The following EVC2 variants were observed in gnomAD, a reference collection of about 807,000 sequenced individuals.
The protein encoded by EVC2 is limbin.
Under a neutral mutation model 149.3 loss-of-function variants are expected in EVC2, and 148 were observed. The ratio of observed to expected loss-of-function variants is 0.99; its 90% CI spans 0.87 to 1.14. The LOEUF (loss-of-function observed/expected upper bound fraction) is 1.14. Among genes scored for constraint, EVC2 ranks in the 50% most tolerant of loss-of-function variants. EVC2 has a pLI of 0.00. For missense variants in EVC2, 1,854 were observed against 1,627.3 expected, an observed-to-expected ratio of 1.14 and a Z score of -2.40; for synonymous variants, 776 against 649.9, an observed-to-expected ratio of 1.19 and a Z score of -2.95.
chr4:5,542,976 A>T, intron 22 of EVC2: 1 of 409,362 alleles, frequency 2.4e-6, no homozygotes, highest in South Asian at 2.0e-5. Context: ...AAGTCCTCCC[A>T]CACTTCTCCC....
At chr4:5,699,490 C>A (rs1721689458) in intron 1 of EVC2, among the ~76,000 whole-genome samples, 1 of 152,110 alleles carries the variant, frequency 6.6e-6, no homozygotes, top group Non-Finnish European at 1.5e-5. Flanking sequence ...ATTTGCACAT[C>A]TGTGTTCACA....
At chr4:5,563,435 C>T (rs1167293595) in intron 21 of EVC2, among the ~76,000 whole-genome samples, 1 of 152,194 alleles carries the variant, frequency 6.6e-6, no homozygotes, top group African/African-American at 2.4e-5. Context: ...CAACCTCCAC[C>T]TCCCAGGTTC....
chr4:5,699,490 C>T (rs1721689458), intron 1 of EVC2, among the ~76,000 whole-genome samples: 2 of 152,110 alleles, frequency 1.3e-5, no homozygotes, highest in Non-Finnish European at 1.5e-5. Context: ...ATTTGCACAT[C>T]TGTGTTCACA....
intron 9 of EVC2, among the ~76,000 whole-genome samples, chr4:5,650,286 G>C (rs1164618619): frequency 6.6e-6 from 1 of 152,118 alleles, no homozygotes; most frequent in East Asian, 1.9e-4. Context: ...AAAAGGGGAA[G>C]TAGGACTACC....
rs1268611805 is a variant in EVC2, at chr4:5,576,063, C to T, written c.3272+177G>A. Among the ~76,000 whole-genome samples the T allele has an allele frequency of 6.6e-6, 1 of 152,114 alleles. No homozygotes were observed. Among genetic ancestry groups the T allele is most frequent in the Non-Finnish European group, 1.5e-5 (1 of 68,018 alleles). ...TGATATTAAATTTAAAAAAGAAGGGCATCAGGGAAGAAAGAGTATGCTACA... is the reference window on the plus strand; with the variant it reads ...TGATATTAAATTTAAAAAAGAAGGGTATCAGGGAAGAAAGAGTATGCTACA... On this transcript the variant is annotated intron_variant, in intron 18 of 21. Coordinates refer to ENST00000344408, the MANE Select transcript of EVC2 (RefSeq NM_147127.5). This position sits in a 1 kb window ranked among gnomAD's most constrained non-coding sequence, Gnocchi z 4.5.
intron 16 of EVC2, among the ~76,000 whole-genome samples, chr4:5,595,990 A>T (rs1713373437): frequency 6.6e-6 from 1 of 152,250 alleles, no homozygotes. Flanking sequence ...ACATAATGGT[A>T]AAGGGATCAA....
At chr4:5,683,093 G>C (rs1033212901) in intron 6 of EVC2, among the ~76,000 whole-genome samples, 1 of 152,202 alleles carries the variant, frequency 6.6e-6, no homozygotes, top group Non-Finnish European at 1.5e-5. Context: ...ACCTCATGGA[G>C]GCTTCAGCGA....
At chr4:5,592,995 T>C (rs1393299943) in intron 16 of EVC2, among the ~76,000 whole-genome samples, 1 of 152,032 alleles carries the variant, frequency 6.6e-6, no homozygotes, top group Non-Finnish European at 1.5e-5. Context: ...TGAGTTCTCA[T>C]GAGATCTGAT....
intron 6 of EVC2, among the ~76,000 whole-genome samples, chr4:5,681,841 G>A (rs770253930): frequency 9.2e-5 from 14 of 152,242 alleles, no homozygotes; most frequent in Non-Finnish European, 1.5e-4. Context: ...CTGTCTAACC[G>A]CATGGTGACC....
At chr4:5,635,199 G>A (rs1314118743) in intron 10 of EVC2, among the ~76,000 whole-genome samples, 2 of 151,916 alleles carry the variant, frequency 1.3e-5, no homozygotes, top group African/African-American at 4.8e-5. Flanking sequence ...ACCATGCCCA[G>A]CTAATTTTTG....
chr4:5,606,334 A>C (rs952032460), intron 16 of EVC2, among the ~76,000 whole-genome samples: 1 of 152,314 alleles, frequency 6.6e-6, no homozygotes. Flanking sequence ...AAGAATCTTC[A>C]TACATACTTT....
At chr4:5,644,186 C>G (rs955400796) in intron 9 of EVC2, among the ~76,000 whole-genome samples, 1 of 152,190 alleles carries the variant, frequency 6.6e-6, no homozygotes, top group Non-Finnish European at 1.5e-5. Context: ...CTCTCTCTAT[C>G]CTCTGTATTT....
intron 9 of EVC2, among the ~76,000 whole-genome samples, chr4:5,661,459 G>A (rs534961028): frequency 1.3e-3 from 199 of 152,268 alleles, no homozygotes; most frequent in African/African-American, 4.4e-3. Context: ...ACAGAGATAT[G>A]AGACAAGAAA....
intron 7 of EVC2, among the ~76,000 whole-genome samples, chr4:5,673,474 G>T (rs1158045837): frequency 6.6e-6 from 1 of 152,188 alleles, no homozygotes; most frequent in South Asian, 2.1e-4. Flanking sequence ...AAGTTCCACT[G>T]AGAATCACTG....
In EVC2 at chr4:5,666,116, T is replaced by C. The variant is rs148760502; in HGVS notation, c.871-467A>G. Among the ~76,000 whole-genome samples the C allele has an allele frequency of 9.9e-5, 15 of 152,198 alleles. No homozygotes were observed. In the East Asian group the frequency reaches 2.5e-3, roughly 26 times the overall value. ...TAATTAAACCCCAATTTTTACGGTA[T>C]TATATTTAGAGAAAATCTCTTGTCT... On this transcript the variant is annotated intron_variant, in intron 7 of 21. Transcript: ENST00000344408.
intron 16 of EVC2, among the ~76,000 whole-genome samples, chr4:5,592,977 C>T (rs1350498602): frequency 1.3e-5 from 2 of 152,160 alleles, no homozygotes; most frequent in Admixed American, 6.5e-5. Flanking sequence ...ATGCTGTTCT[C>T]CTGAGAGTGA....
At chr4:5,584,933 C>A in intron 16 of EVC2, 83 bp from the exon 17 acceptor site, 2 of 1,464,162 alleles carry the variant, frequency 1.4e-6, no homozygotes, top group Non-Finnish European at 1.9e-6. Context: ...TTTCAGAGTT[C>A]ACAGACCTGG....
intron 8 of EVC2, 58 bp downstream of exon 8, chr4:5,665,457 G>A (rs902672171): frequency 3.7e-6 from 6 of 1,612,248 alleles, no homozygotes; most frequent in Non-Finnish European, 5.1e-6. Flanking sequence ...ACAGAACTGG[G>A]GGATGAACTT....
At chr4:5,541,118 C>T (rs995625925), downstream of EVC2, among the ~76,000 whole-genome samples, 2 of 152,208 alleles carry the variant, frequency 1.3e-5, no homozygotes, top group Non-Finnish European at 2.9e-5. Context: ...TAACATTGCT[C>T]TGTAAGAATA....
Sources: allele counts gnomAD v4.1 joint callset (sites outside exome capture counted in the v4.1 genomes callset), GRCh38; gene constraint gnomAD v4.1.1; non-coding constraint Gnocchi (gnomAD v3.1); transcripts MANE v1.5; gene names NCBI Gene and HGNC (gene_info 2026-07-23, HGNC 2026-07-21).